Variants in MCU observed in about 807,000 individuals in gnomAD.
MCU encodes mitochondrial calcium uniporter.
In MCU, 12 loss-of-function variants were observed where a neutral mutation model predicts 45.2. The ratio of observed to expected loss-of-function variants is 0.27; its 90% confidence interval spans 0.17 to 0.43. MCU has a LOEUF of 0.43. Among genes scored for constraint, MCU ranks in the 20% least tolerant of loss-of-function variants. The probability of loss-of-function intolerance (pLI) is 1.00; values close to 1 mark genes in which losing one functional copy is unlikely to be tolerated. For synonymous variants in MCU, 160 were observed against 165.1 expected, an observed-to-expected ratio of 0.97 and a Z score of 0.24; for missense variants, 324 against 436.7, an observed-to-expected ratio of 0.74 and a Z score of 2.30.
intron 2 of MCU, among the ~76,000 whole-genome samples, chr10:72,856,938 A>G (rs1306192890): frequency 3.7e-4 from 1 of 2,686 alleles, no homozygotes; most frequent in Admixed American, 0.012. Context: ...AGATGTCTCA[A>G]AAAAAAAAAA....
intron 2 of MCU, among the ~76,000 whole-genome samples, chr10:72,854,398 T>G (rs1310470098): frequency 6.6e-6 from 1 of 152,132 alleles, no homozygotes; most frequent in African/African-American, 2.4e-5. Context: ...AAAACAAAAT[T>G]TCTTTAAAAG....
In MCU at chr10:72,834,351, TTTTC is replaced by T; in HGVS notation, c.151-6_151-3del. 1 of 1,612,038 alleles carries T rather than the reference TTTTC, an allele frequency of 6.2e-7. No homozygotes were observed. The highest frequency in any genetic ancestry group is 8.5e-7 in the Non-Finnish European group (1 of 1,178,344). The stretch of plus-strand genomic sequence containing the variant: ...TCTGACAGTAGATGTATCTTTTGTG[TTTTC>T]TAGGTACACCAGAGGATCGCTTCCT... On this transcript the variant is annotated splice_region_variant and splice_polypyrimidine_tract_variant and intron_variant, in intron 1 of 7. Coordinates refer to ENST00000373053, the MANE Select transcript of MCU (RefSeq NM_138357.3).
intron 1 of MCU, among the ~76,000 whole-genome samples, chr10:72,809,623 G>T (rs1844507692): frequency 6.6e-6 from 1 of 152,170 alleles, no homozygotes; most frequent in African/African-American, 2.4e-5. Flanking sequence ...CTAATAAGCA[G>T]CTAGAAATTT....
At chr10:72,877,242 A>G (rs1484918073) in intron 6 of MCU, among the ~76,000 whole-genome samples, 1 of 152,216 alleles carries the variant, frequency 6.6e-6, no homozygotes, top group Non-Finnish European at 1.5e-5. Context: ...ATTTTAGAAT[A>G]GAGTCTAGCA....
At chr10:72,882,009 G>A (rs573986138) in intron 6 of MCU, among the ~76,000 whole-genome samples, 1 of 152,268 alleles carries the variant, frequency 6.6e-6, no homozygotes, top group East Asian at 1.9e-4. Flanking sequence ...AGAAGAACGT[G>A]GATTGTGAAG....
chr10:72,771,963 C>T (rs1843816065), intron 1 of MCU, among the ~76,000 whole-genome samples: 1 of 152,320 alleles, frequency 6.6e-6, no homozygotes, highest in East Asian at 1.9e-4. Context: ...AAATCTCCTT[C>T]CAACTCATGG....
intron 4 of MCU, among the ~76,000 whole-genome samples, chr10:72,868,221 A>C (rs1845486943): frequency 6.6e-6 from 1 of 152,168 alleles, no homozygotes; most frequent in South Asian, 2.1e-4. Context: ...ATATGAATTT[A>C]CTTTTTACAT....
chr10:72,791,343 A>G (rs890913909), intron 1 of MCU, among the ~76,000 whole-genome samples: 2 of 152,170 alleles, frequency 1.3e-5, no homozygotes, highest in Non-Finnish European at 2.9e-5. Flanking sequence ...TTGTGTATAG[A>G]CTGTAAACCG....
intron 1 of MCU, among the ~76,000 whole-genome samples, chr10:72,789,297 C>CT (rs1844122470): frequency 6.6e-6 from 1 of 152,046 alleles, no homozygotes; most frequent in African/African-American, 2.4e-5. Context: ...TTAAAGTTTT[C>CT]TTGTTGGTGG....
At chr10:72,884,575 G>A (rs1845751508) in intron 7 of MCU, 193 bp downstream of exon 7, 3 of 486,918 alleles carry the variant, frequency 6.2e-6, no homozygotes, top group Non-Finnish European at 3.7e-6. Flanking sequence ...TTTATAAAAA[G>A]CAAGTGAGAA....
In MCU at chr10:72,702,970, C is replaced by G. The variant is rs199790475; in HGVS notation, c.150+10669C>G. 4.2e-5 allele frequency among the ~76,000 whole-genome samples: 6 copies of G among 143,458 alleles called. No homozygotes were observed. In the East Asian group the frequency reaches 1.2e-3, roughly 28 times the overall value. 94.1% of individuals were successfully genotyped at this position (143,458 alleles called of 152,430 possible). A position where few individuals can be genotyped will look rare whatever the true frequency, so the allele number is the denominator to read the frequency against. ...CCCAGCCTGGACAACAAGAACGAAACTGTGTCTCAAAAAAAGAAAAAAAAA... is the reference window on the plus strand; with the variant it reads ...CCCAGCCTGGACAACAAGAACGAAAGTGTGTCTCAAAAAAAGAAAAAAAAA... On this transcript the variant is annotated intron_variant, in intron 1 of 7. Transcript: ENST00000373053.
At chr10:72,882,423 G>A (rs368823188) in intron 6 of MCU, among the ~76,000 whole-genome samples, 33 of 152,248 alleles carry the variant, frequency 2.2e-4, no homozygotes, top group African/African-American at 5.8e-4. Flanking sequence ...GAGAAATATC[G>A]CTGAATTCTT....
At chr10:72,879,540 CAG>C (rs1409686646) in intron 6 of MCU, among the ~76,000 whole-genome samples, 2 of 152,082 alleles carry the variant, frequency 1.3e-5, no homozygotes, top group African/African-American at 2.4e-5. Flanking sequence ...CATTTTCAGA[CAG>C]AGAATTTGTC....
intron 1 of MCU, among the ~76,000 whole-genome samples, chr10:72,742,022 C>CAAAAAAAAAAAAAAAAAAAAAAAAAAA (rs59028044): frequency 1.4e-5 from 1 of 72,888 alleles, no homozygotes. Flanking sequence ...GACTCCGTCT[C>CAAAAAAAAAAAAAAAAAAAAAAAAAAA]AAAAAAAAAA....
At position 72,854,792 on chromosome 10, in the gene MCU, A is replaced by T. The variant is rs576268652; in HGVS notation, c.221-4385A>T. ...AGTTTGTTGGAACACAGCCATGCCT[A>T]TTTGTTTACATATTGCCTGTGGCTG... On this transcript the variant is annotated intron_variant, in intron 2 of 7. Transcript: ENST00000373053. 1.5e-4 allele frequency among the ~76,000 whole-genome samples: 23 copies of T among 152,296 alleles called. 1 individual carries two copies. The highest frequency in any genetic ancestry group is 6.8e-3 in the Middle Eastern group (2 of 294).
intron 1 of MCU, among the ~76,000 whole-genome samples, chr10:72,809,026 G>A (rs1288206836): frequency 1.3e-5 from 2 of 152,232 alleles, no homozygotes. Context: ...GCAATGAGGA[G>A]CCAGTGAAAG....
At chr10:72,768,578 C>T (rs1235870965) in intron 1 of MCU, among the ~76,000 whole-genome samples, 1 of 152,164 alleles carries the variant, frequency 6.6e-6, no homozygotes, top group Non-Finnish European at 1.5e-5. Context: ...ATGATAGTTT[C>T]AACCTCTTAA....
chr10:72,803,965 G>T (rs1001523507), intron 1 of MCU, among the ~76,000 whole-genome samples: 1 of 128,872 alleles, frequency 7.8e-6, no homozygotes, highest in Non-Finnish European at 1.6e-5. Flanking sequence ...ACCAGACATT[G>T]TATTCTTTCT....
chr10:72,750,734 A>G (rs1843482230), intron 1 of MCU, among the ~76,000 whole-genome samples: 1 of 152,236 alleles, frequency 6.6e-6, no homozygotes, highest in South Asian at 2.1e-4. Context: ...AGAATGCAGA[A>G]CAGTTTCATT....
Sources: allele counts gnomAD v4.1 joint callset (sites outside exome capture counted in the v4.1 genomes callset), GRCh38; gene constraint gnomAD v4.1.1; transcripts MANE v1.5; gene names NCBI Gene and HGNC (gene_info 2026-07-23, HGNC 2026-07-21).